Variants in FAM210A observed in about 807,000 individuals in gnomAD.
FAM210A encodes family with sequence similarity 210 member A.
In FAM210A, 13 loss-of-function variants were observed where a neutral mutation model predicts 25.3. The observed-to-expected ratio is 0.51, with a 90% CI of 0.33 to 0.82. The LOEUF is 0.82. FAM210A is among the 40% of genes least tolerant of loss of function. The pLI is 0.02. For synonymous variants in FAM210A, 125 were observed against 118.7 expected, an observed-to-expected ratio of 1.05 and a Z score of -0.35; for missense variants, 319 against 323.2, an observed-to-expected ratio of 0.99 and a Z score of 0.10.
In FAM210A at chr18:13,663,820, AATAAATATAAAT is replaced by A. The variant is rs532945592; in HGVS notation, c.*2648_*2659del. 1 of 152,042 alleles carries A rather than the reference AATAAATATAAAT, an allele frequency of 6.6e-6. No homozygotes were observed. The highest frequency in any genetic ancestry group is 2.4e-5 in the African/African-American group (1 of 41,302). 9.4% of individuals were successfully genotyped at this position (152,042 alleles called of 1,614,324 possible). On this transcript the variant is annotated 3_prime_UTR_variant, in exon 4 of 4. Transcript: ENST00000651643. The stretch of plus-strand genomic sequence containing the variant: ...ACAGAGTGAGACTCTGTCTCAAAAA[AATAAATATAAAT>A]ATAAATATAAATGTAGACATGTAAG...
rs1436916722 is a variant in FAM210A at position 13,673,544 on chromosome 18, T to C, written c.474-1571A>G. Among the ~76,000 whole-genome samples, 16 of 152,018 alleles carry C rather than the reference T, an allele frequency of 1.1e-4. 1 individual carries two copies. Among genetic ancestry groups the C allele is most frequent in the Admixed American group, 9.2e-4 (14 of 15,272 alleles). On this transcript the variant is annotated intron_variant, in intron 2 of 3. Coordinates refer to ENST00000651643, the MANE Select transcript of FAM210A (RefSeq NM_152352.4). ...ATTTCCAGTTTCCTGATTATTAACA[T>C]TCCTGAGCCCCGACTTCTTTATTTC...
rs143991259 is a variant in FAM210A at position 13,677,425 on chromosome 18, G to A, written c.473+4180C>T. Among the ~76,000 whole-genome samples, 1,230 of 152,212 alleles carry A rather than the reference G, an allele frequency of 8.1e-3. 21 individuals carry two copies. Among genetic ancestry groups the A allele is most frequent in the African/African-American group, 0.028 (1,182 of 41,538 alleles). On this transcript the variant is annotated intron_variant, in intron 2 of 3. Coordinates refer to ENST00000651643, the MANE Select transcript of FAM210A (RefSeq NM_152352.4). ...CTAAGGGGGTCCGCGTGAGAGGGTC[G>A]TGATCGACTGAGTAAGCAGGGGGTA... is the stretch of plus-strand genomic sequence containing the variant.
chr18:13,675,932 A>G (rs1270301213), intron 2 of FAM210A, among the ~76,000 whole-genome samples: 21 of 82,938 alleles, frequency 2.5e-4, no homozygotes, highest in Middle Eastern at 8.6e-3. Flanking sequence ...CCTGAGCCCG[A>G]CCTCTTTATT....
intron 1 of FAM210A, among the ~76,000 whole-genome samples, chr18:13,696,264 T>C (rs1300023194): frequency 1.3e-5 from 2 of 152,172 alleles, no homozygotes; most frequent in Non-Finnish European, 2.9e-5. Context: ...ATACCCAGAA[T>C]AGCCAACAAA....
chr18:13,691,571 T>C (rs552049988), intron 1 of FAM210A, among the ~76,000 whole-genome samples: 12 of 152,174 alleles, frequency 7.9e-5, no homozygotes, highest in Admixed American at 2.6e-4. Context: ...GCAGAAACTC[T>C]ACAAGCCAGA....
In FAM210A at chr18:13,665,409, C is replaced by CAAAAAAAAAAAAAAAAAAA. The variant is rs1555788360; in HGVS notation, c.*1070_*1071insTTTTTTTTTTTTTTTTTTT. 3.3e-5 allele frequency: 3 copies of CAAAAAAAAAAAAAAAAAAA among 89,634 alleles called. No individual in the cohort carries two copies. The highest frequency in any genetic ancestry group is 1.1e-4 in the Admixed American group (1 of 8,866). The allele number at this position is 89,634 out of a possible 1,614,324, so 5.6% of individuals were successfully genotyped here. ...AAAAAAAAAAAAAAAAAAAAAAAAT[C>CAAAAAAAAAAAAAAAAAAA]AAGTAGAATGCTCAAACAAGGATAT... On this transcript the variant is annotated 3_prime_UTR_variant, in exon 4 of 4. Coordinates refer to ENST00000651643, the MANE Select transcript of FAM210A (RefSeq NM_152352.4).
At chr18:13,684,551 G>C (rs1408298970) in intron 1 of FAM210A, among the ~76,000 whole-genome samples, 2 of 152,072 alleles carry the variant, frequency 1.3e-5, no homozygotes, top group Non-Finnish European at 2.9e-5. Context: ...CCTAACGAGA[G>C]GATCAAAATA....
At chr18:13,719,127 A>C (rs2043881097) in intron 1 of FAM210A, among the ~76,000 whole-genome samples, 1 of 152,230 alleles carries the variant, frequency 6.6e-6, no homozygotes, top group African/African-American at 2.4e-5. Context: ...ATTTTTCTTA[A>C]CATTATATAT....
chr18:13,678,478 T>C (rs1389114596), intron 2 of FAM210A, among the ~76,000 whole-genome samples: 2 of 152,042 alleles, frequency 1.3e-5, no homozygotes, highest in African/African-American at 4.8e-5. Context: ...TTAGTAGAGA[T>C]GGGGTTTCTC....
intron 1 of FAM210A, among the ~76,000 whole-genome samples, chr18:13,714,808 A>T (rs1485777551): frequency 6.6e-6 from 1 of 152,194 alleles, no homozygotes; most frequent in Non-Finnish European, 1.5e-5. Context: ...CTGGATAAGA[A>T]ATAATTCATT....
intron 1 of FAM210A, among the ~76,000 whole-genome samples, chr18:13,709,794 T>G (rs982440436): frequency 1.3e-5 from 2 of 152,202 alleles, no homozygotes. Context: ...ATGAAACTAT[T>G]CCCTCCTCCC....
At chr18:13,695,796 G>A (rs1047977451) in intron 1 of FAM210A, among the ~76,000 whole-genome samples, 5 of 151,986 alleles carry the variant, frequency 3.3e-5, no homozygotes, top group African/African-American at 9.7e-5. Flanking sequence ...CACCAACATG[G>A]CACATGTATA....
intron 2 of FAM210A, among the ~76,000 whole-genome samples, chr18:13,680,103 T>C (rs190641620): frequency 6.6e-6 from 1 of 152,314 alleles, no homozygotes; most frequent in Admixed American, 6.5e-5. Context: ...CACATATGTA[T>C]TTTTCATGTC....
intron 1 of FAM210A, among the ~76,000 whole-genome samples, chr18:13,724,302 G>A (rs1353211739): frequency 6.6e-6 from 1 of 152,178 alleles, no homozygotes; most frequent in Admixed American, 6.5e-5. Context: ...TTCATTATTA[G>A]CAGAGTCTGG....
At chr18:13,708,785 T>C (rs539735097) in intron 1 of FAM210A, among the ~76,000 whole-genome samples, 138 of 152,304 alleles carry the variant, frequency 9.1e-4, no homozygotes, top group African/African-American at 3.1e-3. Context: ...ATTCCCTTCT[T>C]TTCTCCAGAG....
intron 1 of FAM210A, among the ~76,000 whole-genome samples, chr18:13,725,511 G>A (rs2043934477): frequency 6.6e-6 from 1 of 152,200 alleles, no homozygotes. Flanking sequence ...AAGGAAGGCT[G>A]GTAAAGCACA....
intron 1 of FAM210A, chr18:13,715,111 C>T (rs1021208179): frequency 2.0e-5 from 3 of 151,978 alleles, no homozygotes; most frequent in South Asian, 2.1e-4. Flanking sequence ...CAGGGTCTTG[C>T]TATTTTGCCC....
chr18:13,714,008 A>G (rs1160595885), intron 1 of FAM210A, among the ~76,000 whole-genome samples: 3 of 152,176 alleles, frequency 2.0e-5, no homozygotes, highest in Non-Finnish European at 4.4e-5. Context: ...ATTTTCTTCT[A>G]TATCTTCAGA....
chr18:13,712,556 AT>A (rs2149069166), intron 1 of FAM210A, among the ~76,000 whole-genome samples: 1 of 152,248 alleles, frequency 6.6e-6, no homozygotes, highest in African/African-American at 2.4e-5. Context: ...AGGGCAGAGC[AT>A]TCCTGAATGA....
Sources: gnomAD v4.1 joint callset for allele counts (sites outside exome capture counted in the v4.1 genomes callset) on GRCh38, gnomAD v4.1.1 for gene constraint, MANE v1.5 for transcripts, NCBI Gene and HGNC (gene_info 2026-07-23, HGNC 2026-07-21) for gene names.